ALCAM: variants seen among roughly 807,000 people sequenced by gnomAD.
ALCAM encodes the protein activated leukocyte cell adhesion molecule, also known as CD166 antigen.
Under a neutral mutation model 70.9 loss-of-function variants are expected in ALCAM, and 30 were observed. The observed-to-expected ratio is 0.42, with a 90% CI of 0.32 to 0.57. The LOEUF is 0.57. ALCAM is among the 20% of genes least tolerant of loss of function. ALCAM has a pLI of 0.11. For synonymous variants in ALCAM, 249 were observed against 242.5 expected, an observed-to-expected ratio of 1.03 and a Z score of -0.25; for missense variants, 591 against 695.1, an observed-to-expected ratio of 0.85 and a Z score of 1.68.
intron 1 of ALCAM, among the ~76,000 whole-genome samples, chr3:105,489,168 G>A (rs999018267): frequency 2.6e-5 from 4 of 152,168 alleles, no homozygotes; most frequent in Non-Finnish European, 5.9e-5. Flanking sequence ...AGAGTTTTCT[G>A]TTGGAGAGTG....
intron 1 of ALCAM, among the ~76,000 whole-genome samples, chr3:105,460,011 C>T (rs1937581993): frequency 6.6e-6 from 1 of 151,866 alleles, no homozygotes. Flanking sequence ...TTGCTGGAAA[C>T]ATTAATTCAA....
chr3:105,476,728 T>C (rs964682903), intron 1 of ALCAM, among the ~76,000 whole-genome samples: 1 of 152,078 alleles, frequency 6.6e-6, no homozygotes, highest in African/African-American at 2.4e-5. Context: ...AGAAAACATT[T>C]GTTCACCTTT....
intron 1 of ALCAM, among the ~76,000 whole-genome samples, chr3:105,448,295 T>G (rs1336476074): frequency 1.3e-5 from 2 of 152,130 alleles, no homozygotes; most frequent in Non-Finnish European, 2.9e-5. Context: ...TCACTAAACC[T>G]ACTGTAGTAA....
chr3:105,521,530 C>A (rs1213687737), intron 2 of ALCAM, among the ~76,000 whole-genome samples: 3 of 152,020 alleles, frequency 2.0e-5, no homozygotes, highest in Non-Finnish European at 4.4e-5. Context: ...TTAACACAGT[C>A]TTTTAAAATA....
intron 3 of ALCAM, among the ~76,000 whole-genome samples, chr3:105,529,706 A>G (rs1172822689): frequency 6.6e-6 from 1 of 152,162 alleles, no homozygotes; most frequent in African/African-American, 2.4e-5. Context: ...GTTTCATTTC[A>G]TTGAAAAAAT....
intron 14 of ALCAM, among the ~76,000 whole-genome samples, chr3:105,560,722 A>G (rs979947942): frequency 9.2e-5 from 14 of 152,014 alleles, no homozygotes; most frequent in Non-Finnish European, 2.9e-5. Flanking sequence ...TAAAGGTGGG[A>G]TTTTGTTTGG....
At chr3:105,524,996 A>G (rs1171104762) in intron 3 of ALCAM, 5 of 944,314 alleles carry the variant, frequency 5.3e-6, no homozygotes, top group East Asian at 1.2e-4. Context: ...TTCCATTTAT[A>G]TATATCCACA....
At chr3:105,388,896 G>C (rs1935725448) in intron 1 of ALCAM, among the ~76,000 whole-genome samples, 1 of 151,500 alleles carries the variant, frequency 6.6e-6, no homozygotes, top group Non-Finnish European at 1.5e-5. Context: ...GTATGTTAAG[G>C]CTTTCATGAA....
At chr3:105,374,035 C>T (rs1212690992) in intron 1 of ALCAM, among the ~76,000 whole-genome samples, 1 of 152,084 alleles carries the variant, frequency 6.6e-6, no homozygotes, top group Admixed American at 6.5e-5. Context: ...CATGTATATT[C>T]GTAAAGGACC....
intron 1 of ALCAM, among the ~76,000 whole-genome samples, chr3:105,426,973 A>G (rs915965127): frequency 4.6e-5 from 7 of 152,018 alleles, no homozygotes; most frequent in Admixed American, 4.6e-4. Context: ...CTGGGGAGAC[A>G]TGGAAATTCA....
chr3:105,543,273 G>A (rs1940167798), intron 8 of ALCAM, among the ~76,000 whole-genome samples: 1 of 151,600 alleles, frequency 6.6e-6, no homozygotes, highest in Non-Finnish European at 1.5e-5. Flanking sequence ...TGTGATGGGG[G>A]AAAATTAAAC....
intron 1 of ALCAM, among the ~76,000 whole-genome samples, chr3:105,385,355 T>A (rs1038738083): frequency 3.3e-5 from 5 of 151,524 alleles, no homozygotes; most frequent in Admixed American, 6.6e-5. Flanking sequence ...AAGGAGCAGC[T>A]TGTACTGATG....
intron 1 of ALCAM, among the ~76,000 whole-genome samples, chr3:105,473,582 T>C (rs1165751217): frequency 6.6e-6 from 1 of 151,646 alleles, no homozygotes; most frequent in Non-Finnish European, 1.5e-5. Context: ...TAAGAATTAC[T>C]CAAGTATTAT....
At chr3:105,456,638 G>A (rs1478793134) in intron 1 of ALCAM, among the ~76,000 whole-genome samples, 1 of 152,092 alleles carries the variant, frequency 6.6e-6, no homozygotes. Context: ...AGTACAGAAG[G>A]GTGATGTTTT....
chr3:105,375,638 C>T (rs915037204), intron 1 of ALCAM, among the ~76,000 whole-genome samples: 6 of 152,084 alleles, frequency 3.9e-5, no homozygotes, highest in African/African-American at 2.4e-5. Flanking sequence ...CACTTAGCTA[C>T]GGGGTTATTT....
rs1020337196 is a variant in ALCAM, at chr3:105,375,873, G to A, written c.73+8392G>A. On this transcript the variant is annotated intron_variant, in intron 1 of 15. Transcript: ENST00000306107. ...GCCACCAACAGTATGGCTAGGATAC[G>A]GTTGTAGTCAAGGGTGTGACAACAG... Among the ~76,000 whole-genome samples, 5 of 152,148 alleles carry A rather than the reference G, an allele frequency of 3.3e-5. 1 individual carries two copies. The highest frequency in any genetic ancestry group is 4.1e-4 in the South Asian group (2 of 4,832).
At chr3:105,380,883 A>G (rs1179760112) in intron 1 of ALCAM, among the ~76,000 whole-genome samples, 1 of 152,010 alleles carries the variant, frequency 6.6e-6, no homozygotes, top group Non-Finnish European at 1.5e-5. Flanking sequence ...TCTTCATCAC[A>G]GTTTTAACAA....
chr3:105,479,416 T>C (rs1389519180), intron 1 of ALCAM, among the ~76,000 whole-genome samples: 2 of 152,188 alleles, frequency 1.3e-5, no homozygotes, highest in Non-Finnish European at 2.9e-5. Context: ...GAAACCTTCC[T>C]AAATATCATC....
chr3:105,368,451 A>G (rs752209954), intron 1 of ALCAM, among the ~76,000 whole-genome samples: 1 of 151,490 alleles, frequency 6.6e-6, no homozygotes, highest in Non-Finnish European at 1.5e-5. Context: ...TAAACTGAAA[A>G]TTTAGGGGAT....
Sources: gnomAD v4.1 joint callset for allele counts (sites outside exome capture counted in the v4.1 genomes callset) on GRCh38, gnomAD v4.1.1 for gene constraint, MANE v1.5 for transcripts, NCBI Gene and HGNC (gene_info 2026-07-23, HGNC 2026-07-21) for gene names.